Variants in ADAMTSL1 observed in about 807,000 individuals in gnomAD.
ADAMTSL1 encodes ADAMTS like 1, also known as ADAMTS-like protein 1.
Under a neutral mutation model 201.8 loss-of-function variants are expected in ADAMTSL1, and 126 were observed. The observed-to-expected ratio is 0.62, with a 90% confidence interval of 0.54 to 0.72. ADAMTSL1 has a LOEUF of 0.72. Among genes scored for constraint, ADAMTSL1 ranks in the 30% least tolerant of loss-of-function variants. The pLI is 0.00. For synonymous variants in ADAMTSL1, 1,121 were observed against 903.4 expected, an observed-to-expected ratio of 1.24 and a Z score of -4.32; for missense variants, 2,679 against 2,277.8, an observed-to-expected ratio of 1.18 and a Z score of -3.59.
chr9:18,132,317 G>A (rs976614239), intron 1 of ADAMTSL1, among the ~76,000 whole-genome samples: 9 of 151,888 alleles, frequency 5.9e-5, no homozygotes, highest in South Asian at 2.1e-4. Flanking sequence ...ATTTTTTCCC[G>A]TCTACCTTTT....
chr9:18,087,112 G>GT (rs757371236), intron 1 of ADAMTSL1, among the ~76,000 whole-genome samples: 4 of 152,098 alleles, frequency 2.6e-5, no homozygotes, highest in Admixed American at 6.5e-5. Flanking sequence ...CTACTGTGTT[G>GT]TATTAACTTT....
chr9:18,848,197 G>C (rs748731105), intron 23 of ADAMTSL1, among the ~76,000 whole-genome samples: 2 of 152,198 alleles, frequency 1.3e-5, no homozygotes, highest in East Asian at 1.9e-4. Context: ...GCACAGTAGA[G>C]TCAGCTGGGA....
At chr9:17,994,773 G>C (rs536241084) in intron 1 of ADAMTSL1, among the ~76,000 whole-genome samples, 7 of 152,082 alleles carry the variant, frequency 4.6e-5, no homozygotes, top group Non-Finnish European at 1.0e-4. Context: ...CCAGGCACAG[G>C]CTCTTTTCTA....
rs138125504 is a variant in ADAMTSL1 at position 18,907,977 on chromosome 9, C to G, written c.5183-465C>G. On this transcript the variant is annotated intron_variant, in intron 28 of 28. Coordinates refer to ENST00000380548, the MANE Select transcript of ADAMTSL1 (RefSeq NM_001040272.6). ...AGTGCCTGGGGATGGGGGCACCCGA[C>G]GCAAGTCTCACTTCACACTCCTGCA... The G allele has an allele frequency of 1.2e-3, 217 of 183,918 alleles. 2 individuals carry two copies. Among genetic ancestry groups the G allele is most frequent in the African/African-American group, 4.9e-3 (205 of 41,802 alleles). 11.4% of individuals were successfully genotyped at this position (183,918 alleles called of 1,614,324 possible).
At chr9:17,923,877 G>A (rs1470292807) in intron 1 of ADAMTSL1, among the ~76,000 whole-genome samples, 1 of 117,056 alleles carries the variant, frequency 8.5e-6, no homozygotes, top group African/African-American at 3.2e-5. Flanking sequence ...CATCTATTGA[G>A]ATAATCATGT....
At chr9:18,456,178 C>T (rs1820595038) in intron 2 of ADAMTSL1, among the ~76,000 whole-genome samples, 2 of 152,268 alleles carry the variant, frequency 1.3e-5, no homozygotes, top group South Asian at 4.2e-4. Flanking sequence ...TCATTGACTT[C>T]CTCTGAACAG....
At chr9:17,989,366 T>C (rs1270414026) in intron 1 of ADAMTSL1, among the ~76,000 whole-genome samples, 3 of 152,012 alleles carry the variant, frequency 2.0e-5, no homozygotes, top group Non-Finnish European at 4.4e-5. Context: ...AATAGAATTA[T>C]ACAAAATCAT....
chr9:18,743,475 T>A (rs1309442813), intron 15 of ADAMTSL1, among the ~76,000 whole-genome samples: 3 of 152,236 alleles, frequency 2.0e-5, no homozygotes, highest in African/African-American at 7.2e-5. Context: ...TAACATTGAT[T>A]TTATTTTTTT....
chr9:18,680,654 G>A (rs1289533928), intron 11 of ADAMTSL1, 138 bp downstream of exon 11: 1 of 872,888 alleles, frequency 1.1e-6, no homozygotes, highest in Non-Finnish European at 1.8e-6. Context: ...AGCTCCTGGA[G>A]TAGGAATGCC....
intron 1 of ADAMTSL1, among the ~76,000 whole-genome samples, chr9:17,990,912 G>T (rs1819126335): frequency 6.6e-6 from 1 of 152,130 alleles, no homozygotes; most frequent in Non-Finnish European, 1.5e-5. Context: ...TAGGTAGAAA[G>T]ATGCATGCCC....
rs1384873245 is a variant in ADAMTSL1, at chr9:18,826,388, G to A, written c.4039G>A (p.Asp1347Asn). 1 of 1,613,750 alleles carries A rather than the reference G, an allele frequency of 6.2e-7. No individual in the cohort carries two copies. Among genetic ancestry groups the A allele is most frequent in the Non-Finnish European group, 8.5e-7 (1 of 1,179,852 alleles). Reference sequence around the variant, plus strand: ...GCTGCTCACAAACGTGTCCTCCTCGGATCAGGGCCTGTACTCCTGCAGGGC... The same window carrying A: ...GCTGCTCACAAACGTGTCCTCCTCGAATCAGGGCCTGTACTCCTGCAGGGC... ...SLLLTNVSSS[D>N]QGLYSCRAAN... Residue 1347 changes from aspartate (D) to asparagine (N), a missense_variant, in exon 22 of 29, where the codon GAT becomes AAT. Coordinates refer to ENST00000380548, the MANE Select transcript of ADAMTSL1 (RefSeq NM_001040272.6).
chr9:17,940,782 T>G (rs1448139473), intron 1 of ADAMTSL1, among the ~76,000 whole-genome samples: 2 of 96,978 alleles, frequency 2.1e-5, no homozygotes, highest in Non-Finnish European at 4.3e-5. Flanking sequence ...AAGGTAAACT[T>G]AAAAATAAAA....
chr9:18,374,300 AT>A (rs1177455149), intron 2 of ADAMTSL1, among the ~76,000 whole-genome samples: 2 of 151,634 alleles, frequency 1.3e-5, no homozygotes, highest in Non-Finnish European at 2.9e-5. Context: ...ATTGACAGAT[AT>A]TTTATTTTAT....
intron 22 of ADAMTSL1, 95 bp downstream of exon 22, chr9:18,826,558 G>T: frequency 7.1e-7 from 1 of 1,411,856 alleles, no homozygotes; most frequent in Non-Finnish European, 9.6e-7. Flanking sequence ...TCCAATTAAG[G>T]ACATAAAAGG....
intron 20 of ADAMTSL1, among the ~76,000 whole-genome samples, chr9:18,807,136 G>C (rs527434420): frequency 6.6e-6 from 1 of 152,102 alleles, no homozygotes; most frequent in Non-Finnish European, 1.5e-5. Flanking sequence ...AAATTGAAAC[G>C]CTTGCCTTTA....
At chr9:18,678,243 A>G (rs969836061) in intron 10 of ADAMTSL1, among the ~76,000 whole-genome samples, 9 of 152,190 alleles carry the variant, frequency 5.9e-5, no homozygotes, top group African/African-American at 9.6e-5. Context: ...TGTATGATGT[A>G]TAAATTCATT....
intron 3 of ADAMTSL1, among the ~76,000 whole-genome samples, chr9:18,544,288 C>G (rs1820341948): frequency 6.6e-6 from 1 of 152,176 alleles, no homozygotes; most frequent in African/African-American, 2.4e-5. Flanking sequence ...GAAACCACAG[C>G]CCACAGTATC....
intron 1 of ADAMTSL1, among the ~76,000 whole-genome samples, chr9:18,484,214 C>T (rs1373975441): frequency 6.6e-6 from 1 of 152,100 alleles, no homozygotes; most frequent in African/African-American, 2.4e-5. Flanking sequence ...CATAGAATGT[C>T]GGTAAGGATT....
chr9:18,029,940 C>T (rs1409799473), intron 1 of ADAMTSL1, among the ~76,000 whole-genome samples: 1 of 151,446 alleles, frequency 6.6e-6, no homozygotes, highest in Non-Finnish European at 1.5e-5. Flanking sequence ...CACTTTTACA[C>T]TGTTGGTGGG....
Sources: allele counts gnomAD v4.1 joint callset (sites outside exome capture counted in the v4.1 genomes callset), GRCh38; gene constraint gnomAD v4.1.1; transcripts MANE v1.5; gene names NCBI Gene and HGNC (gene_info 2026-07-23, HGNC 2026-07-21).